FBN2: variants seen among roughly 807,000 people sequenced by gnomAD.
The protein encoded by FBN2 is fibrillin 2.
Under a neutral mutation model 355.6 loss-of-function variants are expected in FBN2, and 105 were observed. The ratio of observed to expected loss-of-function variants is 0.30; its 90% CI spans 0.25 to 0.35. The LOEUF (loss-of-function observed/expected upper bound fraction) is 0.35. Among genes scored for constraint, FBN2 ranks in the 10% least tolerant of loss-of-function variants. FBN2 has a pLI of 1.00. For synonymous variants in FBN2, 1,350 were observed against 1,301.2 expected (o/e 1.04, Z -0.81); for missense variants, 3,280 against 3,758.7 (o/e 0.87, Z 3.33).
chr5:128,357,912 T>C (rs1034806638), intron 19 of FBN2, among the ~76,000 whole-genome samples: 3 of 152,180 alleles, frequency 2.0e-5, no homozygotes, highest in South Asian at 2.1e-4. Context: ...CCACCTTCTC[T>C]GTCTTTAGCT....
rs531211639 is a variant in FBN2 at position 128,292,876 on chromosome 5, C to A, written c.6167-1222G>T. Among the ~76,000 whole-genome samples the A allele has an allele frequency of 4.6e-5, 7 of 152,310 alleles. No homozygotes were observed. The South Asian group carries it at 1.5e-3, about 32-fold the overall frequency. On this transcript the variant is annotated intron_variant, in intron 48 of 64. Transcript: ENST00000262464. ...TCACAACTACCATAATGATCCCTAA[C>A]CTCCTGCGGTGCTCCCATCTCCTGA...
Position 128,332,945 on chromosome 5 carries a change from C to T in FBN2, c.4189G>A (p.Glu1397Lys). ...IPGSFKCSCR[E>K]GWIGNGIKCI... Reference sequence around the variant, plus strand: ...TTGATGCCGTTTCCAATCCAGCCTTCTCTGCAGCTACACTTGAAGCTTCCT... The same window carrying T: ...TTGATGCCGTTTCCAATCCAGCCTTTTCTGCAGCTACACTTGAAGCTTCCT... Residue 1397 changes from glutamate (E) to lysine (K), a missense_variant, in exon 32 of 65, where the codon GAA becomes AAA. Glu to Lys is a moderately conservative substitution (Grantham distance 56, BLOSUM62 1). Transcript: ENST00000262464. 1 of 1,614,012 alleles carries T rather than the reference C, an allele frequency of 6.2e-7. No homozygotes were observed. The highest frequency in any genetic ancestry group is 8.5e-7 in the Non-Finnish European group (1 of 1,179,910).
At position 128,492,803 on chromosome 5, in the gene FBN2, C is replaced by CAA. The variant is rs578258680; in HGVS notation, c.628+26468_628+26469dup. On this transcript the variant is annotated intron_variant, in intron 5 of 64. Transcript: ENST00000262464. Reference sequence around the variant, plus strand: ...GAGCAACAAGAGCGAAACTCCATCTCAAAAAAAAAAAAAAAAAAAAAAAAA... The same window carrying CAA: ...GAGCAACAAGAGCGAAACTCCATCTCAAAAAAAAAAAAAAAAAAAAAAAAAAA... Among the ~76,000 whole-genome samples, 80 of 43,754 alleles carry CAA rather than the reference C, an allele frequency of 1.8e-3. 1 individual carries two copies. Among genetic ancestry groups the CAA allele is most frequent in the Admixed American group, 3.6e-3 (10 of 2,788 alleles). The allele number at this position is 43,754 out of a possible 152,430, so 28.7% of individuals were successfully genotyped here.
chr5:128,274,875 G>T (rs999109767), intron 59 of FBN2, among the ~76,000 whole-genome samples, 192 bp from the exon 60 acceptor site: 1 of 152,120 alleles, frequency 6.6e-6, no homozygotes, highest in East Asian at 1.9e-4. Flanking sequence ...TAAATATTAC[G>T]GGCTAGGATG....
At chr5:128,368,032 T>C (rs1256586515) in intron 16 of FBN2, among the ~76,000 whole-genome samples, 2 of 152,148 alleles carry the variant, frequency 1.3e-5, no homozygotes, top group African/African-American at 4.8e-5. Flanking sequence ...TTACTCATTT[T>C]TTTCAAGACC....
chr5:128,414,192 T>C (rs1753138298), intron 7 of FBN2, among the ~76,000 whole-genome samples: 1 of 152,168 alleles, frequency 6.6e-6, no homozygotes, highest in Non-Finnish European at 1.5e-5. Context: ...GATTTTAGTG[T>C]AGTCACAAGG....
rs752138290 is a variant in FBN2, at chr5:128,261,870, A to C, written c.8230T>G (p.Tyr2744Asp). Residue 2744 changes from tyrosine to aspartate, a missense_variant, in exon 64 of 65, where the codon TAC (tyrosine) becomes GAC (aspartate). Coordinates refer to ENST00000262464, the MANE Select transcript of FBN2 (RefSeq NM_001999.4). ...VSGMGFNKGQ[Y>D]LSLDTEVDEE... The stretch of plus-strand genomic sequence containing the variant: ...TCGACCTCTGTATCCAGTGACAGGT[A>C]CTGCCCCTTGTTAAATCCCATTCCT... 23 of 1,614,066 alleles carry C rather than the reference A, an allele frequency of 1.4e-5. No individual in the cohort carries two copies. The highest frequency in any genetic ancestry group is 1.2e-4 in the Admixed American group (7 of 60,010).
chr5:128,311,616 G>C (rs1750060034), intron 38 of FBN2, among the ~76,000 whole-genome samples, 191 bp from the exon 39 acceptor site: 1 of 152,174 alleles, frequency 6.6e-6, no homozygotes, highest in Non-Finnish European at 1.5e-5. Flanking sequence ...ACCATTATCT[G>C]AGAAAATGAA....
intron 25 of FBN2, among the ~76,000 whole-genome samples, chr5:128,343,654 GGATGGTGACTGAAAACTAATA>G (rs1291882082): frequency 6.6e-6 from 1 of 152,166 alleles, no homozygotes; most frequent in Non-Finnish European, 1.5e-5. Flanking sequence ...TTATGGGTAT[GGATGGTGACTGAAAACTAATA>G]TTAAGATTCC....
chr5:128,408,781 A>T lies in FBN2; in HGVS notation c.971T>A (p.Ile324Asn). Reference sequence around the variant, plus strand: ...ACCAGTTTCACATATCCCAGGAATGATGCTGCACTCATCAATGTCTAATCA... The same window carrying T: ...ACCAGTTTCACATATCCCAGGAATGTTGCTGCACTCATCAATGTCTAATCA... ...QKCEDIDECS[I>N]IPGICETGEC... Residue 324 changes from isoleucine (I) to asparagine (N), a missense_variant, in exon 8 of 65, where the codon ATC becomes AAC. Transcript: ENST00000262464. 1 of 1,613,998 alleles carries T rather than the reference A, an allele frequency of 6.2e-7. No individual in the cohort carries two copies. Among genetic ancestry groups the T allele is most frequent in the South Asian group, 1.1e-5 (1 of 91,074 alleles).
chr5:128,293,761 CAAA>C (rs1242083978), intron 48 of FBN2, among the ~76,000 whole-genome samples: 1 of 151,734 alleles, frequency 6.6e-6, no homozygotes, highest in African/African-American at 2.4e-5. Flanking sequence ...ATCACAGAGA[CAAA>C]GAAGAATCAA....
chr5:128,264,381 A>C (rs1765064728), intron 62 of FBN2, among the ~76,000 whole-genome samples: 1 of 152,218 alleles, frequency 6.6e-6, no homozygotes, highest in Admixed American at 6.5e-5. Context: ...CATTGGGTGC[A>C]GACTGTGCTT....
chr5:128,493,501 T>C (rs998486001), intron 5 of FBN2, among the ~76,000 whole-genome samples: 3 of 152,164 alleles, frequency 2.0e-5, no homozygotes, highest in Non-Finnish European at 4.4e-5. Flanking sequence ...ACTCCCATAA[T>C]GCATATTATC....
rs143058912 is a variant in FBN2, at chr5:128,460,685, G to A, written c.826+4039C>T. Among the ~76,000 whole-genome samples, 1,240 of 152,178 alleles carry A rather than the reference G, an allele frequency of 8.1e-3. 6 individuals are homozygous for A. Among genetic ancestry groups the A allele is most frequent in the South Asian group, 0.015 (74 of 4,816 alleles). On this transcript the variant is annotated intron_variant, in intron 6 of 64. Transcript: ENST00000262464. ...ATACAGACCAATGGAGCAGAACAGA[G>A]ACCTCAGAAATAACACCACACATCT... is the stretch of plus-strand genomic sequence containing the variant.
intron 6 of FBN2, among the ~76,000 whole-genome samples, chr5:128,448,764 C>T (rs1754143816): frequency 6.6e-6 from 1 of 152,112 alleles, no homozygotes; most frequent in African/African-American, 2.4e-5. Flanking sequence ...CCTACACTTA[C>T]TAGCTTTTTT....
chr5:128,366,706 A>G (rs987882913), intron 16 of FBN2, among the ~76,000 whole-genome samples: 2 of 152,152 alleles, frequency 1.3e-5, no homozygotes, highest in East Asian at 1.9e-4. Context: ...CTTTAAGAAA[A>G]ATATAAATGG....
At chr5:128,443,911 G>T (rs535985984) in intron 7 of FBN2, among the ~76,000 whole-genome samples, 2 of 152,202 alleles carry the variant, frequency 1.3e-5, no homozygotes, top group African/African-American at 4.8e-5. Flanking sequence ...TTTATGGCAA[G>T]ATTTTTACAG....
chr5:128,455,765 A>T (rs1293116695), intron 6 of FBN2, among the ~76,000 whole-genome samples: 1 of 151,844 alleles, frequency 6.6e-6, no homozygotes, highest in Non-Finnish European at 1.5e-5. Flanking sequence ...CAGCCTAGTA[A>T]ACTGTTTTTT....
chr5:128,487,197 G>C (rs1360356124), intron 5 of FBN2, among the ~76,000 whole-genome samples: 3 of 152,144 alleles, frequency 2.0e-5, no homozygotes, highest in Non-Finnish European at 2.9e-5. Context: ...TCTTTGCTTT[G>C]GTAGCCATGG....
Sources: gnomAD v4.1 joint callset for allele counts (sites outside exome capture counted in the v4.1 genomes callset) on GRCh38, gnomAD v4.1.1 for gene constraint, MANE v1.5 for transcripts, NCBI Gene and HGNC (gene_info 2026-07-23, HGNC 2026-07-21) for gene names.